The following PPARGC1A variants were observed in gnomAD, a reference collection of about 807,000 sequenced individuals.
PPARGC1A encodes PPARG coactivator 1 alpha.
In PPARGC1A, 25 loss-of-function variants were observed where a neutral mutation model predicts 88.7. The ratio of observed to expected loss-of-function variants is 0.28; its 90% CI spans 0.21 to 0.39. PPARGC1A has a LOEUF of 0.39. Ranked by LOEUF, PPARGC1A falls within the 10% of genes least tolerant of loss-of-function variation. The probability of loss-of-function intolerance (pLI) is 1.00; values close to 1 mark genes in which losing one functional copy is unlikely to be tolerated. For missense variants in PPARGC1A, 880 were observed against 968.7 expected (o/e 0.91, Z 1.22); for synonymous variants, 363 against 355.6 (o/e 1.02, Z -0.24).
chr4:23,816,526 G>T (rs1722015492), intron 7 of PPARGC1A, among the ~76,000 whole-genome samples: 1 of 145,162 alleles, frequency 6.9e-6, no homozygotes, highest in South Asian at 2.1e-4. Flanking sequence ...ATTACCACTT[G>T]CAATTCCCAG....
At chr4:24,235,019 G>A in the PPARGC1A span, among the ~76,000 whole-genome samples, 30 of 152,056 alleles carry the variant, frequency 2.0e-4, no homozygotes, top group Non-Finnish European at 3.8e-4. Flanking sequence ...ACTCATTTTG[G>A]GAATATTGTT....
At chr4:23,802,676 C>CA (rs397823520) in intron 10 of PPARGC1A, among the ~76,000 whole-genome samples, 1,705 of 24,954 alleles carry the variant, frequency 0.068, 55 homozygotes, top group Non-Finnish European at 0.084. Context: ...GACTCCATCT[C>CA]AAAAAAAAAA....
the PPARGC1A span, among the ~76,000 whole-genome samples, chr4:24,188,420 C>T: frequency 3.9e-5 from 6 of 152,114 alleles, no homozygotes; most frequent in African/African-American, 1.5e-4. Flanking sequence ...TAAGGAACCC[C>T]TAGGCACATT....
the PPARGC1A span, among the ~76,000 whole-genome samples, chr4:24,263,803 G>A: frequency 6.6e-6 from 1 of 152,136 alleles, no homozygotes; most frequent in Non-Finnish European, 1.5e-5. Flanking sequence ...AGGCTGGAGT[G>A]CAGTGGTGCC....
the PPARGC1A span, among the ~76,000 whole-genome samples, chr4:24,193,967 A>G: frequency 6.6e-6 from 1 of 152,108 alleles, no homozygotes; most frequent in Non-Finnish European, 1.5e-5. Flanking sequence ...TGTCTCTACT[A>G]AAAATACAAA....
chr4:24,017,194 T>C, the PPARGC1A span, among the ~76,000 whole-genome samples: 11 of 152,280 alleles, frequency 7.2e-5, no homozygotes, highest in African/African-American at 1.9e-4. Flanking sequence ...CAATGCATTA[T>C]GTAAAATTTT....
chr4:24,339,105 CT>C, the PPARGC1A span, among the ~76,000 whole-genome samples: 1 of 151,714 alleles, frequency 6.6e-6, no homozygotes, highest in African/African-American at 2.4e-5. Context: ...ATGAATTTGA[CT>C]AGGTCCCTCA....
At chr4:23,913,467 A>G in the PPARGC1A span, among the ~76,000 whole-genome samples, 1 of 151,896 alleles carries the variant, frequency 6.6e-6, no homozygotes, top group Non-Finnish European at 1.5e-5. Flanking sequence ...AAATGAGCTT[A>G]TGGAATGGAG....
chr4:24,120,098 T>C, the PPARGC1A span, among the ~76,000 whole-genome samples: 3 of 152,186 alleles, frequency 2.0e-5, no homozygotes, highest in Admixed American at 1.3e-4. Context: ...TTTGGTCTTA[T>C]GTAATATTTG....
chr4:24,238,745 ATGTGTGTGTGTGTGTGTG>A, the PPARGC1A span, among the ~76,000 whole-genome samples: 8 of 121,902 alleles, frequency 6.6e-5, no homozygotes, highest in East Asian at 2.6e-4. Context: ...AAGGTTGTAT[ATGTGTGTGTGTGTGTGTG>A]TGTGTGTGTG....
At chr4:23,884,110 G>A (rs1450367060) in intron 2 of PPARGC1A, 3 of 152,160 alleles carry the variant, frequency 2.0e-5, no homozygotes, top group South Asian at 4.1e-4. Flanking sequence ...AATAGGAATA[G>A]ATTAACATTC....
At chr4:23,936,325 T>TTGG in the PPARGC1A span, among the ~76,000 whole-genome samples, 1 of 152,200 alleles carries the variant, frequency 6.6e-6, no homozygotes, top group Admixed American at 6.5e-5. Context: ...ATCACATAGC[T>TTGG]ACTAAGTGAA....
the PPARGC1A span, among the ~76,000 whole-genome samples, chr4:24,352,145 G>T: frequency 6.6e-6 from 1 of 152,158 alleles, no homozygotes; most frequent in East Asian, 1.9e-4. Flanking sequence ...TGGGAGGCGA[G>T]AGGCCAGGAG....
chr4:24,432,845 G>A, the PPARGC1A span, among the ~76,000 whole-genome samples: 4 of 152,266 alleles, frequency 2.6e-5, no homozygotes, highest in African/African-American at 7.2e-5. Flanking sequence ...GCCGCCTTGC[G>A]GTTCCCCTGA....
chr4:23,840,809 T>G (rs548096337), intron 2 of PPARGC1A, among the ~76,000 whole-genome samples: 44 of 152,294 alleles, frequency 2.9e-4, no homozygotes, highest in African/African-American at 1.0e-3. Context: ...GTTGTTGTTA[T>G]TTTCTTTGTA....
At chr4:24,229,811 T>C in the PPARGC1A span, among the ~76,000 whole-genome samples, 2 of 150,198 alleles carry the variant, frequency 1.3e-5, no homozygotes, top group African/African-American at 2.5e-5. Context: ...CGTCATTGCA[T>C]TCCAGCCTGG....
chr4:24,298,998 GCCA>G, the PPARGC1A span, among the ~76,000 whole-genome samples: 2 of 152,262 alleles, frequency 1.3e-5, no homozygotes, highest in South Asian at 4.2e-4. Context: ...TGGCTAATAG[GCCA>G]CTGGTGGACT....
the PPARGC1A span, among the ~76,000 whole-genome samples, chr4:24,092,722 T>G: frequency 5.3e-5 from 8 of 152,292 alleles, no homozygotes; most frequent in South Asian, 4.1e-4. Flanking sequence ...TAAAGCCCAT[T>G]CTACAGAACA....
chr4:23,823,093 T>C (rs920010753), intron 7 of PPARGC1A, among the ~76,000 whole-genome samples: 8 of 148,498 alleles, frequency 5.4e-5, no homozygotes, highest in Admixed American at 1.4e-4. Context: ...TGTAAATGAA[T>C]GAAATGTGAG....
Sources: allele counts gnomAD v4.1 joint callset (sites outside exome capture counted in the v4.1 genomes callset), GRCh38; gene constraint gnomAD v4.1.1; transcripts MANE v1.5; gene names NCBI Gene and HGNC (gene_info 2026-07-23, HGNC 2026-07-21).